The following NMD3 variants were observed in gnomAD, a reference collection of about 807,000 sequenced individuals.
NMD3 encodes the protein 60S ribosomal export protein NMD3.
Under a neutral mutation model 73.1 loss-of-function variants are expected in NMD3, and 47 were observed. The ratio of observed to expected loss-of-function variants is 0.64; its 90% CI spans 0.51 to 0.82. NMD3 has a LOEUF of 0.82. Ranked by LOEUF, NMD3 falls within the 40% of genes least tolerant of loss-of-function variation. The pLI, the probability that NMD3 is intolerant of heterozygous loss-of-function variation, is 0.00. For synonymous variants in NMD3, 210 were observed against 194.5 expected (o/e 1.08, Z -0.66); for missense variants, 554 against 612.5 (o/e 0.90, Z 1.01).
At chr3:161,233,827 T>A (rs1736634394) in intron 5 of NMD3, among the ~76,000 whole-genome samples, 1 of 152,178 alleles carries the variant, frequency 6.6e-6, no homozygotes, top group Non-Finnish European at 1.5e-5. Context: ...ATAAGTAGGT[T>A]GAGTATCCCT....
intron 1 of NMD3, 21 bp from the exon 2 acceptor site, chr3:161,221,973 T>A: frequency 1.8e-6 from 1 of 568,768 alleles, no homozygotes. Context: ...TTTTTTTTTT[T>A]TTTTTTTTTT....
At chr3:161,234,662 C>G (rs1736673564) in intron 5 of NMD3, 65 bp from the exon 6 acceptor site, 2 of 1,401,388 alleles carry the variant, frequency 1.4e-6, no homozygotes, top group South Asian at 2.8e-5. Flanking sequence ...AAAGGTTCTT[C>G]TTTAAAGAAA....
At chr3:161,240,976 T>C in intron 9 of NMD3, 70 bp from the exon 10 acceptor site, 4 of 872,076 alleles carry the variant, frequency 4.6e-6, no homozygotes, top group Non-Finnish European at 7.4e-6. Flanking sequence ...GATTGGGTGT[T>C]TATTGATGAG....
intron 12 of NMD3, among the ~76,000 whole-genome samples, chr3:161,246,999 A>G (rs1215546299): frequency 6.6e-6 from 1 of 151,932 alleles, no homozygotes; most frequent in African/African-American, 2.4e-5. Context: ...CTAAAGTTGG[A>G]CTGATATGTA....
At chr3:161,240,220 T>G (rs1047200012) in intron 9 of NMD3, among the ~76,000 whole-genome samples, 1 of 152,218 alleles carries the variant, frequency 6.6e-6, no homozygotes, top group Admixed American at 6.5e-5. Context: ...TTTAATTCAG[T>G]TTAAAAACAG....
At position 161,233,439 on chromosome 3, in the gene NMD3, A is replaced by G; in HGVS notation, c.317A>G (p.His106Arg). ...GCAGGCTTTGTTTGGACTGAGCCTC[A>G]TTCTAAGAGACTTAAAGTTAAACTG... Reference protein sequence around the residue: ...VDAGFVWTEPHSKRLKVKLTI... With the variant: ...VDAGFVWTEPRSKRLKVKLTI... The change falls in exon 5 of 16, where the codon CAT (histidine) becomes CGT (arginine). Residue 106 changes from histidine to arginine, a missense_variant. Transcript: ENST00000351193. 6.2e-7 allele frequency: 1 copy of G among 1,609,782 alleles called. No homozygotes were observed. Among genetic ancestry groups the G allele is most frequent in the Non-Finnish European group, 8.5e-7 (1 of 1,177,634 alleles).
intron 4 of NMD3, among the ~76,000 whole-genome samples, chr3:161,232,796 C>T (rs1736592344): frequency 6.6e-6 from 1 of 152,164 alleles, no homozygotes; most frequent in South Asian, 2.1e-4. Context: ...ACAGCAGCCT[C>T]CATTCTTGTT....
chr3:161,234,966 C>A, intron 6 of NMD3, 111 bp downstream of exon 6: 2 of 1,127,250 alleles, frequency 1.8e-6, no homozygotes, highest in South Asian at 1.4e-5. Flanking sequence ...GAAGCATTCA[C>A]CTTTGGAAAT....
intron 1 of NMD3, 47 bp from the exon 2 acceptor site, chr3:161,221,947 C>T: frequency 8.4e-7 from 1 of 1,184,068 alleles, no homozygotes; most frequent in Non-Finnish European, 1.2e-6. Context: ...TGATTTAAAT[C>T]CCAACATTCT....
chr3:161,236,768 A>G (rs1321314180), intron 7 of NMD3, among the ~76,000 whole-genome samples: 2 of 152,100 alleles, frequency 1.3e-5, no homozygotes, highest in African/African-American at 2.4e-5. Flanking sequence ...GTCTAAATTC[A>G]TATTTTTCTA....
Position 161,222,037 on chromosome 3 carries a change from C to G in NMD3, c.24C>G (p.Thr8=), listed in dbSNP as rs769507718. 1 of 1,605,384 alleles carries G rather than the reference C, an allele frequency of 6.2e-7. No individual in the cohort carries two copies. Among genetic ancestry groups the G allele is most frequent in the Non-Finnish European group, 8.5e-7 (1 of 1,176,716 alleles). The part of the protein sequence containing the change: MEYMAES[T]DRSPGHILCC... ...CGATGGAGTATATGGCAGAATCCAC[C>G]GACCGCAGCCCTGGACACATGTGAG... Residue 8 remains threonine, a synonymous_variant, in exon 2 of 16, where the codon ACC becomes ACG. Transcript: ENST00000351193.
intron 15 of NMD3, 55 bp from the exon 16 acceptor site, chr3:161,250,725 C>A: frequency 1.9e-6 from 2 of 1,071,658 alleles, no homozygotes; most frequent in Non-Finnish European, 2.7e-6. Context: ...ATATTTAATA[C>A]TTTGTATACA....
rs377301241 is a variant in NMD3 at position 161,238,184 on chromosome 3, C to A, written c.649C>A (p.Pro217Thr). 4.3e-5 allele frequency: 68 copies of A among 1,593,620 alleles called. No homozygotes were observed. Among genetic ancestry groups the A allele is most frequent in the Non-Finnish European group, 5.4e-5 (63 of 1,166,130 alleles). Residue 217 changes from proline to threonine, a missense_variant, in exon 8 of 16, where the codon CCC becomes ACC. By Grantham distance (38) the Pro-to-Thr change is conservative (BLOSUM62 -1). Coordinates refer to ENST00000351193, the MANE Select transcript of NMD3 (RefSeq NM_015938.5). The stretch of plus-strand genomic sequence containing the variant: ...GGTCGAATTTCTTCAGTGTACAGTT[C>A]CCTGTAGGTATGTTCTGAACCTTGA... The part of the protein sequence containing the change: ...KMVEFLQCTV[P>T]CRYKASQRLI...
downstream of NMD3, chr3:161,253,041 G>C (rs1711506639): frequency 3.5e-6 from 1 of 286,668 alleles, no homozygotes; most frequent in Non-Finnish European, 6.6e-6. Context: ...AGGTTGCAGT[G>C]AGTCGAGATC....
At chr3:161,233,592 AT>A in intron 5 of NMD3, 113 bp downstream of exon 5, 1 of 559,584 alleles carries the variant, frequency 1.8e-6, no homozygotes, top group East Asian at 2.9e-5. Flanking sequence ...AGTACACTCA[AT>A]TTTAGCTGTT....
At position 161,224,963 on chromosome 3, in the gene NMD3, A is replaced by G. The variant is rs923248891; in HGVS notation, c.78A>G (p.Pro26=). 2 of 1,613,952 alleles carry G rather than the reference A, an allele frequency of 1.2e-6. No homozygotes were observed. The highest frequency in any genetic ancestry group is 1.7e-6 in the Non-Finnish European group (2 of 1,179,944). The change falls in exon 3 of 16, where the codon CCA becomes CCG. Residue 26 remains proline (P), a synonymous_variant. Transcript: ENST00000351193. ...LCCECGVPIS[P]NPANICVACL... is the part of the protein sequence containing the mutation. The stretch of plus-strand genomic sequence containing the variant: ...GTGAGTGTGGTGTTCCGATAAGTCC[A>G]AATCCTGCCAATATTTGTGTGGCCT...
At position 161,224,992 on chromosome 3, in the gene NMD3, T is replaced by C; in HGVS notation, c.107T>C (p.Leu36Ser). Residue 36 changes from leucine to serine, a missense_variant, in exon 3 of 16, where the codon TTG becomes TCG. By Grantham distance (145) the Leu-to-Ser change is moderately radical. Transcript: ENST00000351193. ...CCTGCCAATATTTGTGTGGCCTGTT[T>C]GCGAAGTAAAGTGGACATCAGCCAA... ...PNPANICVAC[L>S]RSKVDISQGI... The C allele has an allele frequency of 6.2e-7, 1 of 1,614,082 alleles. No homozygotes were observed. Among genetic ancestry groups the C allele is most frequent in the East Asian group, 2.2e-5 (1 of 44,860 alleles).
At chr3:161,238,607 G>A in intron 8 of NMD3, 123 bp from the exon 9 acceptor site, 1 of 628,776 alleles carries the variant, frequency 1.6e-6, no homozygotes, top group Non-Finnish European at 2.9e-6. Context: ...ACCAGAGGAG[G>A]CATCATGAAG....
chr3:161,252,770 C>A, downstream of NMD3: 1 of 675,918 alleles, frequency 1.5e-6, no homozygotes. Flanking sequence ...TTTTTGTAGC[C>A]AAATCTGCAC....
Sources: gnomAD v4.1 joint callset for allele counts (sites outside exome capture counted in the v4.1 genomes callset) on GRCh38, gnomAD v4.1.1 for gene constraint, MANE v1.5 for transcripts, NCBI Gene and HGNC (gene_info 2026-07-23, HGNC 2026-07-21) for gene names.